SMYD4: variants seen among roughly 807,000 people sequenced by gnomAD.
SMYD4 encodes protein-lysine N-methyltransferase SMYD4.
In SMYD4, 68 loss-of-function variants were observed where a neutral mutation model predicts 72.8. The observed-to-expected ratio is 0.93, with a 90% confidence interval of 0.77 to 1.14. SMYD4 has a LOEUF of 1.14. SMYD4 is among the 50% of genes most tolerant of loss of function. The probability of loss-of-function intolerance (pLI) is 0.00; values close to 1 mark genes in which losing one functional copy is unlikely to be tolerated. For missense variants in SMYD4, 984 were observed against 1,003.7 expected (o/e 0.98, Z 0.27); for synonymous variants, 407 against 388.6 (o/e 1.05, Z -0.56).
intron 5 of SMYD4, among the ~76,000 whole-genome samples, chr17:1,794,311 G>A (rs1343669145): frequency 6.8e-6 from 1 of 146,224 alleles, no homozygotes; most frequent in African/African-American, 2.5e-5. Flanking sequence ...AGTAGAGACG[G>A]GGTTTCACCG....
At chr17:1,820,107 A>G (rs997208426) in intron 2 of SMYD4, among the ~76,000 whole-genome samples, 1 of 152,154 alleles carries the variant, frequency 6.6e-6, no homozygotes, top group Non-Finnish European at 1.5e-5. Context: ...TTAAGAAAGT[A>G]AACTCGGATA....
At chr17:1,790,854 C>T (rs576438299) in intron 5 of SMYD4, among the ~76,000 whole-genome samples, 23 of 149,578 alleles carry the variant, frequency 1.5e-4, no homozygotes, top group African/African-American at 4.6e-4. Flanking sequence ...ATGCCGGGCG[C>T]GGTGGCTCAC....
At chr17:1,783,853 T>G in intron 8 of SMYD4, 1 of 314,244 alleles carries the variant, frequency 3.2e-6, no homozygotes, top group Non-Finnish European at 6.0e-6. Flanking sequence ...AGGCAGGGTT[T>G]TCAAGGGCAA....
At chr17:1,822,351 A>G (rs1910937018) in intron 2 of SMYD4, among the ~76,000 whole-genome samples, 2 of 152,146 alleles carry the variant, frequency 1.3e-5, no homozygotes, top group African/African-American at 4.8e-5. Context: ...TTTTCCTGAT[A>G]AGTTTTGAAG....
intron 2 of SMYD4, among the ~76,000 whole-genome samples, chr17:1,814,163 G>A (rs1910469661): frequency 6.6e-6 from 1 of 152,090 alleles, no homozygotes; most frequent in Admixed American, 6.6e-5. Context: ...AAATTAGCTG[G>A]GTGCGGTGGC....
intron 5 of SMYD4, among the ~76,000 whole-genome samples, chr17:1,788,054 C>A (rs1269834996): frequency 1.3e-5 from 2 of 152,216 alleles, no homozygotes; most frequent in African/African-American, 2.4e-5. Context: ...AGTTACTACC[C>A]CAAACTTTAT....
intron 3 of SMYD4, among the ~76,000 whole-genome samples, chr17:1,811,467 A>G (rs1910327922): frequency 6.6e-6 from 1 of 152,134 alleles, no homozygotes; most frequent in African/African-American, 2.4e-5. Context: ...ACGGGTGTGA[A>G]CCACTGTGCT....
Position 1,787,565 on chromosome 17 carries a change from C to T in SMYD4, c.1577G>A (p.Arg526His), listed in dbSNP as rs375353382. The T allele has an allele frequency of 1.2e-5, 19 of 1,595,464 alleles. No individual in the cohort carries two copies. The highest frequency in any genetic ancestry group is 2.3e-5 in the East Asian group (1 of 44,264). The change falls in exon 6 of 11, where the codon CGC becomes CAC. Residue 526 changes from arginine (R) to histidine (H), a missense_variant. Transcript: ENST00000305513. Reference sequence around the variant, plus strand: ...AACAGGGAAGATGCCTGTGGCAAGGCGCACCTGCCTGCTGTCGGTAACGAT... The same window carrying T: ...AACAGGGAAGATGCCTGTGGCAAGGTGCACCTGCCTGCTGTCGGTAACGAT... ...GSIVTDSRQV[R>H]LATGIFPVIS... is the part of the protein sequence containing the mutation.
Position 1,812,053 on chromosome 17 carries a change from T to A in SMYD4, c.197A>T (p.Asp66Val). The change falls in exon 3 of 11, where the codon GAC (aspartate) becomes GTC (valine). Residue 66 changes from aspartate (D) to valine (V), a missense_variant. Transcript: ENST00000305513. ...SKGYLVGKDSDAPLFYREEGN... is the reference protein window; with the variant it reads ...SKGYLVGKDSVAPLFYREEGN... ...TTCTTCTCTGTAGAAAAGAGGAGCGTCCGAGTCCTTTCCCACCAAGTAACC... is the reference window on the plus strand; with the variant it reads ...TTCTTCTCTGTAGAAAAGAGGAGCGACCGAGTCCTTTCCCACCAAGTAACC... 1 of 1,614,118 alleles carries A rather than the reference T, an allele frequency of 6.2e-7. No homozygotes were observed. The highest frequency in any genetic ancestry group is 8.5e-7 in the Non-Finnish European group (1 of 1,180,022).
chr17:1,798,918 A>C (rs1204193816), intron 5 of SMYD4, among the ~76,000 whole-genome samples: 2 of 151,558 alleles, frequency 1.3e-5, no homozygotes, highest in East Asian at 1.9e-4. Context: ...AAATAAATAA[A>C]GTAAAATAAA....
intron 3 of SMYD4, among the ~76,000 whole-genome samples, chr17:1,806,326 C>T (rs573556837): frequency 9.9e-5 from 15 of 152,150 alleles, no homozygotes; most frequent in African/African-American, 3.4e-4. Context: ...TAAACTCGAC[C>T]GCCTGAAAAT....
At chr17:1,810,399 T>C (rs1362564180) in intron 3 of SMYD4, among the ~76,000 whole-genome samples, 1 of 151,850 alleles carries the variant, frequency 6.6e-6, no homozygotes, top group East Asian at 1.9e-4. Context: ...TAGCTGGGCG[T>C]GGTGCCGCAT....
intron 5 of SMYD4, 105 bp from the exon 6 acceptor site, chr17:1,787,709 G>T: frequency 1.9e-5 from 22 of 1,154,772 alleles, no homozygotes; most frequent in East Asian, 2.6e-5. Context: ...TGCAGCCCGT[G>T]TGAGTCATGG....
At chr17:1,812,534 C>G (rs1910381141) in intron 2 of SMYD4, among the ~76,000 whole-genome samples, 1 of 137,964 alleles carries the variant, frequency 7.2e-6, no homozygotes, top group Non-Finnish European at 1.5e-5. Context: ...CTCAAATGAT[C>G]AGCAGAATTT....
chr17:1,814,891 T>C (rs1910509816), intron 2 of SMYD4: 1 of 152,116 alleles, frequency 6.6e-6, no homozygotes, highest in African/African-American at 2.4e-5. Flanking sequence ...GTCCAGAAAA[T>C]ATGAAGGCAA....
At position 1,826,513 on chromosome 17, in the gene SMYD4, A is replaced by G. The variant is rs28707759; in HGVS notation, c.134+1348T>C. Among the ~76,000 whole-genome samples the G allele has an allele frequency of 1.7e-3, 186 of 109,522 alleles. 9 individuals carry two copies. Among genetic ancestry groups the G allele is most frequent in the Middle Eastern group, 5.1e-3 (1 of 198 alleles). 71.9% of individuals were successfully genotyped at this position (109,522 alleles called of 152,430 possible). Reference sequence around the variant, plus strand: ...GTCCAAAAAAAAAAAAAAAAAAAAAAAAAAAGAAAAGAAAAGAAAAGAAAT... The same window carrying G: ...GTCCAAAAAAAAAAAAAAAAAAAAAGAAAAAGAAAAGAAAAGAAAAGAAAT... On this transcript the variant is annotated intron_variant, in intron 2 of 10. Transcript: ENST00000305513.
At chr17:1,820,700 A>G (rs114930111) in intron 2 of SMYD4, among the ~76,000 whole-genome samples, 3 of 152,250 alleles carry the variant, frequency 2.0e-5, no homozygotes, top group African/African-American at 7.2e-5. Context: ...ACTCTGGGAG[A>G]TTATTAATTG....
At chr17:1,804,468 A>G (rs8067685) in intron 4 of SMYD4, 158 bp downstream of exon 4, 437,953 of 607,074 alleles carry the variant, frequency 0.72, 162,944 homozygotes, top group Non-Finnish European at 0.8. Context: ...ATGAGCGCCC[A>G]GTCCGACTTT....
rs1597404576 is a variant in SMYD4, at chr17:1,828,122, A to G, written c.-12-116T>C. ...TCCCAGCACTTTGGGAAGCCGAGGT[A>G]GGTGGATCACGAGGTCAGGAGATGG... On this transcript the variant is annotated intron_variant, in intron 1 of 10. Transcript: ENST00000305513. 4.1e-6 allele frequency: 4 copies of G among 978,058 alleles called. No homozygotes were observed. The East Asian group carries it at 1.1e-4, about 26-fold the overall frequency. 60.6% of individuals were successfully genotyped at this position (978,058 alleles called of 1,614,324 possible).
Sources: allele counts gnomAD v4.1 joint callset (sites outside exome capture counted in the v4.1 genomes callset), GRCh38; gene constraint gnomAD v4.1.1; transcripts MANE v1.5; gene names NCBI Gene and HGNC (gene_info 2026-07-23, HGNC 2026-07-21).